Variants in FAM171A1 observed in about 807,000 individuals in gnomAD.
The protein encoded by FAM171A1 is family with sequence similarity 171 member A1.
A neutral mutation model predicts 74.9 loss-of-function variants in FAM171A1; 23 were observed. The ratio of observed to expected loss-of-function variants is 0.31; its 90% CI spans 0.22 to 0.44. FAM171A1 has a LOEUF of 0.44. Ranked by LOEUF, FAM171A1 falls within the 20% of genes least tolerant of loss-of-function variation. The pLI, the probability that FAM171A1 is intolerant of heterozygous loss-of-function variation, is 1.00. For missense variants in FAM171A1, 1,162 were observed against 1,159.2 expected (o/e 1.00, Z -0.03); for synonymous variants, 527 against 505.7 (o/e 1.04, Z -0.57).
intron 4 of FAM171A1, 137 bp downstream of exon 4, chr10:15,254,584 T>C (rs1834551862): frequency 3.2e-6 from 3 of 931,072 alleles, no homozygotes; most frequent in Non-Finnish European, 4.8e-6. Flanking sequence ...GCACTTGAAC[T>C]TGTACCAAGA....
At chr10:15,293,557 AT>A (rs11367275) in intron 1 of FAM171A1, among the ~76,000 whole-genome samples, 122,917 of 150,406 alleles carry the variant, frequency 0.82, 50,259 homozygotes, top group East Asian at 0.9. Flanking sequence ...TAAAAAAAAA[AT>A]ATATATATAT....
intron 1 of FAM171A1, among the ~76,000 whole-genome samples, chr10:15,314,232 A>G (rs553028558): frequency 7.9e-5 from 12 of 152,164 alleles, no homozygotes; most frequent in Middle Eastern, 3.4e-3. Context: ...GCACATCACC[A>G]TTGCCACTGA....
chr10:15,238,520 TC>T (rs1014992531), intron 5 of FAM171A1, among the ~76,000 whole-genome samples: 1 of 148,404 alleles, frequency 6.7e-6, no homozygotes, highest in African/African-American at 2.5e-5. Flanking sequence ...TTGCCGCCCT[TC>T]CCCCCCACCC....
intron 1 of FAM171A1, among the ~76,000 whole-genome samples, chr10:15,367,706 G>A (rs1836082681): frequency 6.6e-6 from 1 of 152,214 alleles, no homozygotes; most frequent in South Asian, 2.1e-4. Context: ...GTCTTCAAAT[G>A]TTATAACAGA....
intron 1 of FAM171A1, among the ~76,000 whole-genome samples, chr10:15,357,390 A>T (rs1051725226): frequency 6.6e-6 from 1 of 152,246 alleles, no homozygotes; most frequent in Non-Finnish European, 1.5e-5. Flanking sequence ...ATGTCGATTT[A>T]TATGAAGTTC....
chr10:15,254,776 G>A lies in FAM171A1; in HGVS notation c.522C>T (p.Ser174=), dbSNP rs1176794384. 3 of 1,614,192 alleles carry A rather than the reference G, an allele frequency of 1.9e-6. No individual in the cohort carries two copies. The Admixed American group carries it at 5.0e-5, about 27-fold the overall frequency. ...AAGGAAAACTGTCCACCTCCGAAGG[G>A]GAGCTGGCGGCCGTGAGAAACGCGG... is the stretch of plus-strand genomic sequence containing the variant. ...DLTAFLTAAS[S]PSEVDSFPYL... is the part of the protein sequence containing the mutation. Residue 174 remains serine, a synonymous_variant, in exon 4 of 8, where the codon TCC becomes TCT. Transcript: ENST00000378116.
rs956728885 is a variant in FAM171A1, at chr10:15,214,218, T to C, written c.1370A>G (p.Tyr457Cys). The C allele has an allele frequency of 6.8e-6, 11 of 1,614,030 alleles. No individual in the cohort carries two copies. The highest frequency in any genetic ancestry group is 9.3e-6 in the Non-Finnish European group (11 of 1,180,026). The change falls in exon 8 of 8, where the codon TAC (tyrosine) becomes TGC (cysteine). Residue 457 changes from tyrosine (Y) to cysteine (C), a missense_variant. By Grantham distance (194) the Tyr-to-Cys change is radical (BLOSUM62 -2). Coordinates refer to ENST00000378116, the MANE Select transcript of FAM171A1 (RefSeq NM_001010924.2). ...GGGAAAAACCTCCACTGACTTATGG[T>C]AGTCTTTCCCCAGCGTCCCACTTGG... Reference protein sequence around the residue: ...LTPSGTLGKDYHKSVEVFPLK... With the variant: ...LTPSGTLGKDCHKSVEVFPLK...
intron 1 of FAM171A1, among the ~76,000 whole-genome samples, chr10:15,345,425 A>C (rs1316094089): frequency 1.3e-5 from 2 of 152,160 alleles, no homozygotes; most frequent in Non-Finnish European, 2.9e-5. Context: ...ACGAGAGGGG[A>C]TGACACCCAA....
chr10:15,309,322 C>A (rs75606776), intron 1 of FAM171A1, among the ~76,000 whole-genome samples: 1 of 152,032 alleles, frequency 6.6e-6, no homozygotes, highest in African/African-American at 2.4e-5. Flanking sequence ...ATTCTCCCAC[C>A]TCAGCCTCCC....
intron 5 of FAM171A1, among the ~76,000 whole-genome samples, chr10:15,232,519 C>T (rs936637372): frequency 2.6e-5 from 4 of 152,108 alleles, no homozygotes; most frequent in African/African-American, 4.8e-5. Flanking sequence ...ATTTGCTGAC[C>T]GAACGAACTG....
At chr10:15,300,387 C>G (rs1835213249) in intron 1 of FAM171A1, among the ~76,000 whole-genome samples, 1 of 152,126 alleles carries the variant, frequency 6.6e-6, no homozygotes, top group Non-Finnish European at 1.5e-5. Context: ...CTTGACCTGT[C>G]ATTTCTGTGT....
chr10:15,307,646 CAAAAAAAA>C (rs560861841), intron 1 of FAM171A1, among the ~76,000 whole-genome samples: 25 of 93,162 alleles, frequency 2.7e-4, no homozygotes, highest in African/African-American at 7.5e-4. Flanking sequence ...AACTCCATTT[CAAAAAAAA>C]AAAAAAAAAA....
At chr10:15,299,488 G>GTT (rs370300920) in intron 1 of FAM171A1, among the ~76,000 whole-genome samples, 1 of 128,464 alleles carries the variant, frequency 7.8e-6, no homozygotes. Flanking sequence ...TTTTGTTTTT[G>GTT]TTTTTTTTGT....
intron 5 of FAM171A1, among the ~76,000 whole-genome samples, chr10:15,225,227 C>T (rs1390068846): frequency 2.6e-5 from 4 of 152,142 alleles, no homozygotes; most frequent in Non-Finnish European, 5.9e-5. Context: ...GTAGGAACTC[C>T]AGAGACCTTC....
At chr10:15,247,497 T>A (rs576184804) in intron 5 of FAM171A1, among the ~76,000 whole-genome samples, 1 of 152,112 alleles carries the variant, frequency 6.6e-6, no homozygotes, top group Non-Finnish European at 1.5e-5. Context: ...ACCTCTCAGA[T>A]AGCCAGCCCC....
chr10:15,313,285 G>A (rs1339379091), intron 1 of FAM171A1, among the ~76,000 whole-genome samples: 1 of 152,186 alleles, frequency 6.6e-6, no homozygotes, highest in African/African-American at 2.4e-5. Context: ...ACTGGTGGCT[G>A]AAATGCTTTC....
chr10:15,318,687 G>A (rs1835451411), intron 1 of FAM171A1, among the ~76,000 whole-genome samples: 1 of 152,102 alleles, frequency 6.6e-6, no homozygotes, highest in Non-Finnish European at 1.5e-5. Context: ...CCTTTCAAGT[G>A]TGTTTAATAT....
intron 1 of FAM171A1, among the ~76,000 whole-genome samples, chr10:15,349,711 C>T (rs1298843704): frequency 6.6e-6 from 1 of 152,180 alleles, no homozygotes; most frequent in African/African-American, 2.4e-5. Context: ...TGGCTTCACT[C>T]AACAATGTTC....
intron 1 of FAM171A1, among the ~76,000 whole-genome samples, chr10:15,313,052 C>T (rs1835382836): frequency 2.0e-5 from 3 of 152,124 alleles, no homozygotes; most frequent in Admixed American, 2.0e-4. Flanking sequence ...CAAGCAGACC[C>T]CTGATTTCCA....
Sources: allele counts gnomAD v4.1 joint callset (sites outside exome capture counted in the v4.1 genomes callset), GRCh38; gene constraint gnomAD v4.1.1; transcripts MANE v1.5; gene names NCBI Gene and HGNC (gene_info 2026-07-23, HGNC 2026-07-21).